Variants in ANXA10 observed in about 807,000 individuals in gnomAD.
The protein encoded by ANXA10 is annexin 14.
A neutral mutation model predicts 53.5 loss-of-function variants in ANXA10; 49 were observed. The ratio of observed to expected loss-of-function variants is 0.92; its 90% confidence interval spans 0.73 to 1.16. The LOEUF is 1.16. Among genes scored for constraint, ANXA10 ranks in the 50% most tolerant of loss-of-function variants. The probability of loss-of-function intolerance (pLI) is 0.00; values close to 1 mark genes in which losing one functional copy is unlikely to be tolerated. For missense variants in ANXA10, 393 were observed against 394.4 expected, an observed-to-expected ratio of 1.00 and a Z score of 0.03; for synonymous variants, 131 against 128.9, an observed-to-expected ratio of 1.02 and a Z score of -0.11.
At chr4:168,157,080 T>A (rs899973627) in intron 3 of ANXA10, among the ~76,000 whole-genome samples, 2 of 141,318 alleles carry the variant, frequency 1.4e-5, no homozygotes, top group Admixed American at 1.4e-4. Context: ...AAACCAGTGA[T>A]CTAGTGGTAT....
chr4:168,172,500 G>T (rs1397378569), intron 6 of ANXA10, among the ~76,000 whole-genome samples: 1 of 152,166 alleles, frequency 6.6e-6, no homozygotes, highest in Non-Finnish European at 1.5e-5. Flanking sequence ...CATCTTTGAA[G>T]TCTGCTATCT....
intron 1 of ANXA10, among the ~76,000 whole-genome samples, chr4:168,099,765 A>C (rs1020477456): frequency 6.6e-6 from 1 of 151,994 alleles, no homozygotes; most frequent in African/African-American, 2.4e-5. Context: ...TCTTTTTTTT[A>C]AATATATGAT....
chr4:168,156,722 C>T (rs928390167), intron 3 of ANXA10, among the ~76,000 whole-genome samples: 2 of 151,744 alleles, frequency 1.3e-5, no homozygotes, highest in Non-Finnish European at 2.9e-5. Context: ...CCAGTATGGT[C>T]TCGATCTCCT....
In ANXA10 at chr4:168,107,863, G is replaced by C. The variant is rs896294505; in HGVS notation, c.18+15145G>C. 6.6e-5 allele frequency among the ~76,000 whole-genome samples: 10 copies of C among 152,016 alleles called. No homozygotes were observed. In the South Asian group the frequency reaches 2.1e-3, roughly 31 times the overall value. On this transcript the variant is annotated intron_variant, in intron 1 of 11. Coordinates refer to ENST00000359299, the MANE Select transcript of ANXA10 (RefSeq NM_007193.5). ...TCATCTCCAAATACCATTATATTGGGGGGTAGGGCTTGAACATATTAATTT... is the reference window on the plus strand; with the variant it reads ...TCATCTCCAAATACCATTATATTGGCGGGTAGGGCTTGAACATATTAATTT...
chr4:168,187,379 GGCATTATAAGAAA>G lies in ANXA10; in HGVS notation c.924_936del (p.Tyr309CysfsTer26). On this transcript the variant is annotated frameshift_variant, in exon 12 of 12. Coordinates refer to ENST00000359299, the MANE Select transcript of ANXA10 (RefSeq NM_007193.5). LOFTEE classifies it high-confidence loss of function. ...TTTTCTTTTCAGAATTTTGCTTCAG[GGCATTATAAGAAA>G]GCACTGCTTGCCATCTGTGCTGGTG... is the stretch of plus-strand genomic sequence containing the variant. 1 of 1,592,212 alleles carries G rather than the reference GGCATTATAAGAAA, an allele frequency of 6.3e-7. No individual in the cohort carries two copies. Among genetic ancestry groups the G allele is most frequent in the Non-Finnish European group, 8.6e-7 (1 of 1,168,290 alleles).
chr4:168,140,760 A>G (rs1731313117), intron 3 of ANXA10, among the ~76,000 whole-genome samples: 1 of 152,056 alleles, frequency 6.6e-6, no homozygotes, highest in Non-Finnish European at 1.5e-5. Context: ...CTGGGATTAC[A>G]GCTGTGCGTC....
chr4:168,128,374 T>C (rs937609195), intron 2 of ANXA10, among the ~76,000 whole-genome samples: 3 of 152,064 alleles, frequency 2.0e-5, no homozygotes, highest in African/African-American at 7.2e-5. Context: ...CTTTAGAAAT[T>C]GCTAGTCTAA....
At chr4:168,134,942 G>A (rs1478243682) in intron 2 of ANXA10, among the ~76,000 whole-genome samples, 2 of 152,176 alleles carry the variant, frequency 1.3e-5, no homozygotes, top group African/African-American at 2.4e-5. Flanking sequence ...GCCCATCCAG[G>A]AGGGACTTAA....
chr4:168,153,981 T>TACACACACACACAC (rs35992092), intron 3 of ANXA10, among the ~76,000 whole-genome samples: 62 of 149,332 alleles, frequency 4.2e-4, no homozygotes, highest in African/African-American at 1.3e-3. Context: ...TAGCTATGTA[T>TACACACACACACAC]ACACACACAC....
chr4:168,181,793 T>C, intron 10 of ANXA10, 52 bp downstream of exon 10: 1 of 1,289,608 alleles, frequency 7.8e-7, no homozygotes, highest in Non-Finnish European at 1.1e-6. Context: ...GTCTGTTTTC[T>C]CAAAGGATTA....
chr4:168,095,639 A>G (rs1730529626), intron 1 of ANXA10, among the ~76,000 whole-genome samples: 1 of 152,140 alleles, frequency 6.6e-6, no homozygotes, highest in African/African-American at 2.4e-5. Context: ...TGGAGGTACT[A>G]GATATTCTAC....
intron 1 of ANXA10, among the ~76,000 whole-genome samples, chr4:168,117,472 C>T (rs1341659050): frequency 6.6e-6 from 1 of 152,148 alleles, no homozygotes; most frequent in African/African-American, 2.4e-5. Context: ...TTTGCATTAC[C>T]AGCTGCATAT....
At chr4:168,113,299 TCA>T in intron 1 of ANXA10, 5 of 151,566 alleles carry the variant, frequency 3.3e-5, no homozygotes, top group African/African-American at 1.2e-4. Flanking sequence ...GTCTCTGCTT[TCA>T]TCTCACTTGG....
chr4:168,145,657 C>A (rs779694597), intron 3 of ANXA10, among the ~76,000 whole-genome samples: 3 of 152,188 alleles, frequency 2.0e-5, no homozygotes, highest in Non-Finnish European at 4.4e-5. Flanking sequence ...TAGAAAAGGT[C>A]AGAGTGAAAT....
intron 3 of ANXA10, among the ~76,000 whole-genome samples, chr4:168,140,539 AAG>A (rs1453613865): frequency 1.3e-5 from 2 of 152,232 alleles, no homozygotes; most frequent in East Asian, 3.8e-4. Context: ...TTTCTTTTGA[AAG>A]AGAATATAAA....
intron 1 of ANXA10, among the ~76,000 whole-genome samples, chr4:168,104,103 T>G (rs1579200433): frequency 1.3e-5 from 2 of 152,092 alleles, no homozygotes; most frequent in African/African-American, 4.8e-5. Flanking sequence ...GTTTTTAACA[T>G]GAATAGATGC....
At chr4:168,183,011 AAAAAAAAAAAAAAAAAAAG>A (rs1183420756) in intron 10 of ANXA10, among the ~76,000 whole-genome samples, 5 of 77,588 alleles carry the variant, frequency 6.4e-5, no homozygotes, top group Non-Finnish European at 1.1e-4. Context: ...CCGTCTCGGA[AAAAAAAAAAAAAAAAAAAG>A]AAAAAAGAAA....
At position 168,108,937 on chromosome 4, in the gene ANXA10, C is replaced by T. The variant is rs80174719; in HGVS notation, c.18+16219C>T. Among the ~76,000 whole-genome samples the T allele has an allele frequency of 7.4e-3, 1,127 of 152,262 alleles. 17 individuals carry two copies. The highest frequency in any genetic ancestry group is 0.026 in the African/African-American group (1,073 of 41,536). On this transcript the variant is annotated intron_variant, in intron 1 of 11. Transcript: ENST00000359299. ...TACCCAAATAAATCCCCTTTATAAC[C>T]TCATCTAGGTTGGTAAGTGGCTATG...
At chr4:168,150,334 A>G (rs947037985) in intron 3 of ANXA10, among the ~76,000 whole-genome samples, 1 of 152,232 alleles carries the variant, frequency 6.6e-6, no homozygotes, top group African/African-American at 2.4e-5. Flanking sequence ...AATATCTGTA[A>G]AATGAAGCTA....
Sources: gnomAD v4.1 joint callset for allele counts (sites outside exome capture counted in the v4.1 genomes callset) on GRCh38, gnomAD v4.1.1 for gene constraint, MANE v1.5 for transcripts, NCBI Gene and HGNC (gene_info 2026-07-23, HGNC 2026-07-21) for gene names.